Variants in RAMP3 observed in about 807,000 individuals in gnomAD.
The protein encoded by RAMP3 is receptor activity modifying protein 3.
RAMP3 carries 14 observed loss-of-function variants against 13.5 expected under a neutral mutation model. The observed-to-expected ratio is 1.04, with a 90% CI of 0.69 to 1.63. The LOEUF is 1.63. Among genes scored for constraint, RAMP3 ranks in the 40% most tolerant of loss-of-function variants. RAMP3 has a pLI of 0.00. For missense variants in RAMP3, 200 were observed against 204.8 expected, an observed-to-expected ratio of 0.98 and a Z score of 0.14; for synonymous variants, 106 against 88.3, an observed-to-expected ratio of 1.20 and a Z score of -1.12.
chr7:45,175,118 T>G (rs1358201515), intron 1 of RAMP3, among the ~76,000 whole-genome samples: 1 of 152,058 alleles, frequency 6.6e-6, no homozygotes, highest in Non-Finnish European at 1.5e-5. Flanking sequence ...CTAAGTGGGA[T>G]GTGTGGCCTT....
intron 1 of RAMP3, 35 bp downstream of exon 1, chr7:45,157,921 C>A: frequency 7.4e-7 from 1 of 1,344,366 alleles, no homozygotes; most frequent in African/African-American, 1.5e-5. Flanking sequence ...GGGGCGCCCC[C>A]ACTCCTCGGG....
chr7:45,159,446 A>T (rs1785823229), intron 1 of RAMP3, among the ~76,000 whole-genome samples: 1 of 152,162 alleles, frequency 6.6e-6, no homozygotes, highest in South Asian at 2.1e-4. Flanking sequence ...ACCAGCAGGG[A>T]GGGTGCAGGC....
chr7:45,162,056 G>T (rs1469291833), intron 1 of RAMP3, among the ~76,000 whole-genome samples: 5 of 152,220 alleles, frequency 3.3e-5, no homozygotes, highest in African/African-American at 9.6e-5. Flanking sequence ...TGCACAGGCC[G>T]CCTTAGTCCT....
chr7:45,178,794 T>C (rs1786245543), intron 2 of RAMP3, among the ~76,000 whole-genome samples: 1 of 152,096 alleles, frequency 6.6e-6, no homozygotes, highest in African/African-American at 2.4e-5. Context: ...AGAGACTAAA[T>C]AGAGATGTCC....
At chr7:45,163,920 G>A (rs3779399) in intron 1 of RAMP3, 219,994 of 981,418 alleles carry the variant, frequency 0.22, 26,575 homozygotes, top group African/African-American at 0.44. Flanking sequence ...TGCTTGCCCA[G>A]GATTCCATGA....
chr7:45,172,376 G>A (rs1039859301), intron 1 of RAMP3, among the ~76,000 whole-genome samples: 4 of 152,202 alleles, frequency 2.6e-5, no homozygotes, highest in Non-Finnish European at 4.4e-5. Flanking sequence ...TATTCTTCCC[G>A]AGATGTGGTA....
In RAMP3 at chr7:45,178,286, C is replaced by T. The variant is rs570196453; in HGVS notation, c.191+845C>T. 1.2e-4 allele frequency among the ~76,000 whole-genome samples: 19 copies of T among 152,286 alleles called. 1 individual carries two copies. The East Asian group carries it at 1.7e-3, about 14-fold the overall frequency. On this transcript the variant is annotated intron_variant, in intron 2 of 2. Coordinates refer to ENST00000242249, the MANE Select transcript of RAMP3 (RefSeq NM_005856.3). ...TGTTCTAGAAGCTTCCCAAGCTTTT[C>T]ATCTCCTTACCTCCTTGGAAATTGC...
chr7:45,165,740 T>C (rs529927973), intron 1 of RAMP3, among the ~76,000 whole-genome samples: 1 of 152,378 alleles, frequency 6.6e-6, no homozygotes, highest in East Asian at 1.9e-4. Context: ...ATATGTTTTC[T>C]GTCTCTAGAT....
At chr7:45,175,582 A>G (rs1786166143) in intron 1 of RAMP3, among the ~76,000 whole-genome samples, 1 of 152,166 alleles carries the variant, frequency 6.6e-6, no homozygotes, top group African/African-American at 2.4e-5. Context: ...CACGAAGGGA[A>G]GAAGGTGCCT....
rs780916150 is a variant in RAMP3, at chr7:45,177,333, G to C, written c.83G>C (p.Cys28Ser). The part of the protein sequence containing the change: ...LCGGCPRAGG[C>S]NETGMLERLP... ...GGTGGGTGTCCCAGAGCAGGCGGCT[G>C]CAACGAGACAGGCATGTTGGAGAGG... Residue 28 changes from cysteine to serine, a missense_variant, in exon 2 of 3, where the codon TGC (cysteine) becomes TCC (serine). By Grantham distance (112) the Cys-to-Ser change is moderately radical. Coordinates refer to ENST00000242249, the MANE Select transcript of RAMP3 (RefSeq NM_005856.3). 6.2e-7 allele frequency: 1 copy of C among 1,614,182 alleles called. No homozygotes were observed. Among genetic ancestry groups the C allele is most frequent in the Non-Finnish European group, 8.5e-7 (1 of 1,179,996 alleles).
chr7:45,176,790 C>A (rs1786194623), intron 1 of RAMP3, among the ~76,000 whole-genome samples: 2 of 152,198 alleles, frequency 1.3e-5, no homozygotes, highest in African/African-American at 4.8e-5. Flanking sequence ...GAACATGAGT[C>A]CCTGCAGTGG....
intron 1 of RAMP3, among the ~76,000 whole-genome samples, chr7:45,161,317 G>A (rs750598775): frequency 1.2e-4 from 18 of 151,892 alleles, no homozygotes; most frequent in Non-Finnish European, 2.1e-4. Flanking sequence ...GGCACTGGGG[G>A]TGGTGGGGAA....
At chr7:45,183,016 G>T in intron 2 of RAMP3, 141 bp from the exon 3 acceptor site, 1 of 1,184,174 alleles carries the variant, frequency 8.4e-7, no homozygotes, top group Middle Eastern at 2.9e-4. Flanking sequence ...GCCAGAATGG[G>T]GATTTTCCAA....
At chr7:45,181,698 G>T (rs953283558) in intron 2 of RAMP3, among the ~76,000 whole-genome samples, 3 of 152,230 alleles carry the variant, frequency 2.0e-5, no homozygotes, top group African/African-American at 7.2e-5. Context: ...CTGAGGCCCT[G>T]TGGGAGAAGC....
intron 1 of RAMP3, among the ~76,000 whole-genome samples, chr7:45,175,326 T>G (rs578196267): frequency 6.6e-6 from 1 of 152,304 alleles, no homozygotes; most frequent in East Asian, 1.9e-4. Context: ...TGCTTACACA[T>G]GGCAGCAGGC....
chr7:45,167,255 C>T (rs1785981981), intron 1 of RAMP3, among the ~76,000 whole-genome samples: 2 of 152,112 alleles, frequency 1.3e-5, no homozygotes, highest in South Asian at 4.1e-4. Flanking sequence ...CGGCGCCCGG[C>T]CTGTGATCCA....
Position 45,183,715 on chromosome 7 carries a change from G to T in RAMP3, c.*303G>T. 1 of 576,420 alleles carries T rather than the reference G, an allele frequency of 1.7e-6. No homozygotes were observed. Among genetic ancestry groups the T allele is most frequent in the Non-Finnish European group, 3.1e-6 (1 of 323,642 alleles). The allele number at this position is 576,420 out of a possible 1,614,324, so 35.7% of individuals were successfully genotyped here. On this transcript the variant is annotated 3_prime_UTR_variant, in exon 3 of 3. Coordinates refer to ENST00000242249, the MANE Select transcript of RAMP3 (RefSeq NM_005856.3). ...TGCTGCATCCTGTGCTCCGCAGGCT[G>T]GGCCGGAGCCTCTGCCCGCAGGTTT...
intron 1 of RAMP3, among the ~76,000 whole-genome samples, chr7:45,168,754 G>A (rs1436273083): frequency 6.6e-6 from 1 of 152,096 alleles, no homozygotes; most frequent in African/African-American, 2.4e-5. Context: ...ATCTAACTTG[G>A]ATGCCTTTTA....
chr7:45,157,799 C>A lies in RAMP3; in HGVS notation c.-30C>A, dbSNP rs1189535189. 7.0e-7 allele frequency: 1 copy of A among 1,433,566 alleles called. No homozygotes were observed. The highest frequency in any genetic ancestry group is 9.1e-7 in the Non-Finnish European group (1 of 1,102,890). The allele number at this position is 1,433,566 out of a possible 1,614,324, so 88.8% of individuals were successfully genotyped here. ...CCCCCAGCCGCGCCCCCAGCGGGAC[C>A]GAGCGTGACCCAGCTGCGGCCGGCC... On this transcript the variant is annotated 5_prime_UTR_variant, in exon 1 of 3. Coordinates refer to ENST00000242249, the MANE Select transcript of RAMP3 (RefSeq NM_005856.3).
Sources: gnomAD v4.1 joint callset for allele counts (sites outside exome capture counted in the v4.1 genomes callset) on GRCh38, gnomAD v4.1.1 for gene constraint, MANE v1.5 for transcripts, NCBI Gene and HGNC (gene_info 2026-07-23, HGNC 2026-07-21) for gene names.